Variants in PLEKHA7 observed in about 807,000 individuals in gnomAD.
PLEKHA7 encodes pleckstrin homology domain-containing family A member 7.
In PLEKHA7, 104 loss-of-function variants were observed where a neutral mutation model predicts 170.0. That is an observed-to-expected ratio of 0.61 (90% CI 0.52 to 0.72). The LOEUF (loss-of-function observed/expected upper bound fraction) is 0.72. Among genes scored for constraint, PLEKHA7 ranks in the 30% least tolerant of loss-of-function variants. The pLI is 0.00. For synonymous variants in PLEKHA7, 648 were observed against 660.8 expected (o/e 0.98, Z 0.30); for missense variants, 1,615 against 1,671.7 (o/e 0.97, Z 0.59).
chr11:16,991,994 G>A (rs1199233301), intron 3 of PLEKHA7, among the ~76,000 whole-genome samples: 3 of 152,208 alleles, frequency 2.0e-5, no homozygotes, highest in Non-Finnish European at 4.4e-5. Flanking sequence ...CCCCGGGAAT[G>A]TGCCTGATGC....
At chr11:16,809,624 C>T (rs1733211346) in intron 13 of PLEKHA7, among the ~76,000 whole-genome samples, 1 of 152,230 alleles carries the variant, frequency 6.6e-6, no homozygotes, top group African/African-American at 2.4e-5. Context: ...GTCATAGAAT[C>T]TAAGGACCAA....
intron 15 of PLEKHA7, 111 bp from the exon 16 acceptor site, chr11:16,801,928 A>G: frequency 7.4e-7 from 1 of 1,351,194 alleles, no homozygotes; most frequent in South Asian, 1.3e-5. Context: ...CGAAGGGATC[A>G]GCGCTGAGAT....
chr11:16,985,802 C>T (rs1164903340), intron 3 of PLEKHA7, among the ~76,000 whole-genome samples: 2 of 152,244 alleles, frequency 1.3e-5, no homozygotes, highest in Non-Finnish European at 2.9e-5. Context: ...AGGATGCTAG[C>T]ATGCAAGCTC....
chr11:16,979,966 T>G (rs1863324075), intron 3 of PLEKHA7, among the ~76,000 whole-genome samples: 1 of 152,060 alleles, frequency 6.6e-6, no homozygotes, highest in African/African-American at 2.4e-5. Context: ...GCAGGTACAC[T>G]CAGTGGCTGA....
At chr11:16,921,430 G>A (rs1286338592) in intron 3 of PLEKHA7, among the ~76,000 whole-genome samples, 1 of 152,200 alleles carries the variant, frequency 6.6e-6, no homozygotes, top group African/African-American at 2.4e-5. Flanking sequence ...GGATGAGGGG[G>A]CAGAGAGGGG....
chr11:16,786,400 C>G lies in PLEKHA7; in HGVS notation c.3358-13G>C, dbSNP rs1280704412. 7 of 1,535,976 alleles carry G rather than the reference C, an allele frequency of 4.6e-6. No individual in the cohort carries two copies. In the Admixed American group the frequency reaches 1.2e-4, roughly 26 times the overall value. ...GCTCACGCTTCCACTGGCAACAGAA[C>G]AAGAGGTTAAACGTAGTCGCTTCCT... is the stretch of plus-strand genomic sequence containing the variant. On this transcript the variant is annotated splice_polypyrimidine_tract_variant and intron_variant, in intron 23 of 26. Transcript: ENST00000531066.
In PLEKHA7 at chr11:16,890,081, G is replaced by A. The variant is rs566438071; in HGVS notation, c.222-18899C>T. 3.9e-5 allele frequency among the ~76,000 whole-genome samples: 6 copies of A among 152,034 alleles called. No homozygotes were observed. The East Asian group carries it at 7.7e-4, about 20-fold the overall frequency. On this transcript the variant is annotated intron_variant, in intron 3 of 26. Transcript: ENST00000531066. ...TTCATAAATGAAGGAGAAATAAAAT[G>A]TTTCCTAGACAAGCAAACACTAGGG...
At chr11:16,965,557 G>C (rs1004176075) in intron 3 of PLEKHA7, among the ~76,000 whole-genome samples, 1 of 152,126 alleles carries the variant, frequency 6.6e-6, no homozygotes, top group African/African-American at 2.4e-5. Flanking sequence ...TGTAGACAGA[G>C]ATGCAAGGGG....
intron 3 of PLEKHA7, among the ~76,000 whole-genome samples, chr11:17,012,501 C>T (rs1389992881): frequency 6.6e-6 from 1 of 152,164 alleles, no homozygotes; most frequent in African/African-American, 2.4e-5. Flanking sequence ...AACACCATCC[C>T]GATCTCCCAG....
In PLEKHA7 at chr11:16,791,992, T is replaced by G. The variant is rs1167251651; in HGVS notation, c.2746-793A>C. Among the ~76,000 whole-genome samples the G allele has an allele frequency of 6.6e-6, 1 of 152,180 alleles. No homozygotes were observed. The highest frequency in any genetic ancestry group is 1.5e-5 in the Non-Finnish European group (1 of 68,030). Reference sequence around the variant, plus strand: ...CTAAATTCCCTCTTTCTCGGTCTAATTTGGTTTTGTTTTTAAGAATTTTGC... The same window carrying G: ...CTAAATTCCCTCTTTCTCGGTCTAAGTTGGTTTTGTTTTTAAGAATTTTGC... On this transcript the variant is annotated intron_variant, in intron 19 of 26. Coordinates refer to ENST00000531066, the MANE Select transcript of PLEKHA7 (RefSeq NM_001329630.2). The surrounding 1 kb of genome is among the most constrained non-coding windows in gnomAD (Gnocchi z 4.5).
At chr11:16,979,186 C>T (rs1196556419) in intron 3 of PLEKHA7, among the ~76,000 whole-genome samples, 5 of 152,134 alleles carry the variant, frequency 3.3e-5, no homozygotes, top group Admixed American at 1.3e-4. Context: ...CGCGCTACCA[C>T]GCCTGGCTAA....
chr11:17,013,943 C>T (rs771472963), intron 3 of PLEKHA7, 46 bp downstream of exon 3: 8 of 1,451,118 alleles, frequency 5.5e-6, no homozygotes, highest in Non-Finnish European at 7.3e-6. Flanking sequence ...GGGAGGGACC[C>T]CCCCCCCGCG....
intron 3 of PLEKHA7, chr11:16,974,626 GTT>G (rs397965149): frequency 0.022 from 3,226 of 147,924 alleles, 1 homozygote; most frequent in Middle Eastern, 0.037. Flanking sequence ...GATTTCACAG[GTT>G]TTTTTTTTTT....
intron 8 of PLEKHA7, among the ~76,000 whole-genome samples, chr11:16,848,781 G>A (rs562864530): frequency 1.3e-5 from 2 of 152,272 alleles, no homozygotes; most frequent in African/African-American, 4.8e-5. Context: ...TAAAGAGTAG[G>A]CCAAGTACGG....
At position 16,829,674 on chromosome 11, in the gene PLEKHA7, G is replaced by A. The variant is rs189551043; in HGVS notation, c.873-3084C>T. ...ACCTGTAGCCCCAGCTACTCAGGAG[G>A]CTGAGGCAGGAGAATCGCTTGAACC... On this transcript the variant is annotated intron_variant, in intron 9 of 26. Coordinates refer to ENST00000531066, the MANE Select transcript of PLEKHA7 (RefSeq NM_001329630.2). 6.9e-3 allele frequency among the ~76,000 whole-genome samples: 1,055 copies of A among 152,248 alleles called. 11 individuals are homozygous for A. The highest frequency in any genetic ancestry group is 0.024 in the African/African-American group (991 of 41,536).
At chr11:16,944,833 ATGT>A (rs1565142200) in intron 3 of PLEKHA7, among the ~76,000 whole-genome samples, 3 of 152,230 alleles carry the variant, frequency 2.0e-5, no homozygotes, top group African/African-American at 7.2e-5. Context: ...AGCATTTACT[ATGT>A]TTCACAAATA....
chr11:16,787,163 G>A, intron 23 of PLEKHA7: 2 of 985,434 alleles, frequency 2.0e-6, no homozygotes, highest in Non-Finnish European at 2.4e-6. Context: ...TGTTGACCCA[G>A]GACCTGCATC....
rs567553745 is a variant in PLEKHA7 at position 16,833,953 on chromosome 11, G to A, written c.873-7363C>T. Among the ~76,000 whole-genome samples the A allele has an allele frequency of 1.5e-3, 228 of 151,780 alleles. 1 individual carries two copies. The highest frequency in any genetic ancestry group is 2.4e-3 in the Non-Finnish European group (164 of 67,898). On this transcript the variant is annotated intron_variant, in intron 9 of 26. Coordinates refer to ENST00000531066, the MANE Select transcript of PLEKHA7 (RefSeq NM_001329630.2). ...AATCCCAGCACTTTGGGAGGCCAAG[G>A]TGGGTGGATCACCTGAGCTCAGGAG...
intron 3 of PLEKHA7, among the ~76,000 whole-genome samples, chr11:16,907,029 T>A (rs1590568857): frequency 6.9e-6 from 1 of 144,192 alleles, no homozygotes; most frequent in East Asian, 2.1e-4. Context: ...GTCTGAGAAG[T>A]GAGGAGCCCC....
Sources: allele counts gnomAD v4.1 joint callset (sites outside exome capture counted in the v4.1 genomes callset), GRCh38; gene constraint gnomAD v4.1.1; non-coding constraint Gnocchi (gnomAD v3.1); transcripts MANE v1.5; gene names NCBI Gene and HGNC (gene_info 2026-07-23, HGNC 2026-07-21).